The following ITGBL1 variants were observed in gnomAD, a reference collection of about 807,000 sequenced individuals.
ITGBL1 encodes integrin subunit beta like 1, also known as integrin beta-like protein 1.
ITGBL1 carries 51 observed loss-of-function variants against 68.5 expected under a neutral mutation model. The observed-to-expected ratio is 0.74, with a 90% confidence interval of 0.59 to 0.94. ITGBL1 has a LOEUF of 0.94. Among genes scored for constraint, ITGBL1 ranks in the 40% least tolerant of loss-of-function variants. ITGBL1 has a pLI of 0.00. For missense variants in ITGBL1, 649 were observed against 647.4 expected (o/e 1.00, Z -0.03); for synonymous variants, 209 against 227.3 (o/e 0.92, Z 0.72).
chr13:101,697,868 A>G (rs939111402), intron 8 of ITGBL1, among the ~76,000 whole-genome samples: 11 of 152,210 alleles, frequency 7.2e-5, no homozygotes, highest in Non-Finnish European at 1.5e-5. Context: ...AAAATAATAC[A>G]TCTGTCTCAG....
At chr13:101,587,337 ATG>A (rs1055298387) in intron 6 of ITGBL1, among the ~76,000 whole-genome samples, 3 of 152,206 alleles carry the variant, frequency 2.0e-5, no homozygotes, top group African/African-American at 7.2e-5. Flanking sequence ...TCCACAAAAT[ATG>A]TGTGTTTGTG....
chr13:101,715,456 A>T, intron 10 of ITGBL1, 107 bp from the exon 11 acceptor site: 2 of 807,646 alleles, frequency 2.5e-6, no homozygotes, highest in East Asian at 2.5e-5. Context: ...AAATCTACCA[A>T]GGATGAATGA....
At chr13:101,564,512 C>A in intron 2 of ITGBL1, among the ~76,000 whole-genome samples, 1 of 150,672 alleles carries the variant, frequency 6.6e-6, no homozygotes, top group East Asian at 1.9e-4. Flanking sequence ...GTATATACAA[C>A]AATTTATATA....
chr13:101,675,830 T>A (rs1487446350), intron 7 of ITGBL1, among the ~76,000 whole-genome samples: 1 of 152,160 alleles, frequency 6.6e-6, no homozygotes, highest in African/African-American at 2.4e-5. Flanking sequence ...GTCCAATGTA[T>A]CTCTTATGCT....
chr13:101,684,515 G>T (rs2033711338), intron 7 of ITGBL1, among the ~76,000 whole-genome samples: 1 of 151,834 alleles, frequency 6.6e-6, no homozygotes, highest in South Asian at 2.1e-4. Context: ...GCTTTCATTT[G>T]TCTATGCTGC....
At chr13:101,541,706 G>A (rs1039694132) in intron 2 of ITGBL1, among the ~76,000 whole-genome samples, 1 of 152,156 alleles carries the variant, frequency 6.6e-6, no homozygotes, top group East Asian at 1.9e-4. Context: ...TGGTTGGTAA[G>A]CTGTTAATTA....
chr13:101,572,291 G>A (rs1023642034), intron 3 of ITGBL1, among the ~76,000 whole-genome samples: 9 of 152,060 alleles, frequency 5.9e-5, no homozygotes, highest in African/African-American at 2.2e-4. Context: ...GGGAAGAGGA[G>A]TTAAATGGAT....
rs374497870 is a variant in ITGBL1, at chr13:101,491,008, CTT to C, written c.316+36909_316+36910del. ...CACACATTGTGTGTGTAATGTCTGT[CTT>C]GGTTTTTGGTGGACCACTTAAAAGT... On this transcript the variant is annotated intron_variant, in intron 2 of 10. Coordinates refer to ENST00000376180, the MANE Select transcript of ITGBL1 (RefSeq NM_004791.3). Among the ~76,000 whole-genome samples, 355 of 152,258 alleles carry C rather than the reference CTT, an allele frequency of 2.3e-3. 1 individual carries two copies. The highest frequency in any genetic ancestry group is 7.8e-3 in the African/African-American group (322 of 41,528).
chr13:101,604,845 A>AATAT (rs1555361671), intron 7 of ITGBL1, among the ~76,000 whole-genome samples: 2 of 29,358 alleles, frequency 6.8e-5, no homozygotes, highest in African/African-American at 2.2e-4. Flanking sequence ...AGGTGAAGGC[A>AATAT]ATATATATAT....
chr13:101,585,597 A>AT (rs1196957907), intron 6 of ITGBL1, among the ~76,000 whole-genome samples: 3 of 151,604 alleles, frequency 2.0e-5, no homozygotes, highest in East Asian at 3.9e-4. Context: ...CGCCCGGCTT[A>AT]TTTTTTTGTA....
chr13:101,561,288 C>A (rs2050096204), intron 2 of ITGBL1, among the ~76,000 whole-genome samples: 1 of 152,050 alleles, frequency 6.6e-6, no homozygotes, highest in Non-Finnish European at 1.5e-5. Context: ...AAAACAGATC[C>A]AGGAAGTGGG....
intron 7 of ITGBL1, among the ~76,000 whole-genome samples, chr13:101,645,505 A>T (rs2032529210): frequency 6.6e-6 from 1 of 152,052 alleles, no homozygotes; most frequent in Non-Finnish European, 1.5e-5. Flanking sequence ...TGAAAAAAAA[A>T]ATTTGTCTCT....
At position 101,545,458 on chromosome 13, in the gene ITGBL1, A is replaced by G. The variant is rs564132997; in HGVS notation, c.317-22241A>G. Among the ~76,000 whole-genome samples the G allele has an allele frequency of 6.6e-5, 10 of 152,294 alleles. No homozygotes were observed. The East Asian group carries it at 1.9e-3, about 29-fold the overall frequency. ...AAAAAGGGAAATCCAACATAAACAA[A>G]ATTGGTGCACTTGCTGAAGAGAACA... On this transcript the variant is annotated intron_variant, in intron 2 of 10. Transcript: ENST00000376180.
chr13:101,662,199 T>A (rs1056653267), intron 7 of ITGBL1, among the ~76,000 whole-genome samples: 1 of 152,228 alleles, frequency 6.6e-6, no homozygotes, highest in Non-Finnish European at 1.5e-5. Context: ...AAAGCAAAAG[T>A]CATTTCATGG....
intron 7 of ITGBL1, among the ~76,000 whole-genome samples, chr13:101,670,044 G>T (rs1428176631): frequency 6.6e-6 from 1 of 152,094 alleles, no homozygotes; most frequent in Non-Finnish European, 1.5e-5. Flanking sequence ...GTGGTCTGAT[G>T]CTGGAAAATG....
chr13:101,519,389 A>C (rs116266660), intron 2 of ITGBL1, among the ~76,000 whole-genome samples: 2 of 152,180 alleles, frequency 1.3e-5, no homozygotes, highest in African/African-American at 4.8e-5. Context: ...TAAAATCTTA[A>C]TTAGGTTAAA....
intron 7 of ITGBL1, among the ~76,000 whole-genome samples, chr13:101,678,130 T>C (rs2033549966): frequency 6.6e-6 from 1 of 152,252 alleles, no homozygotes; most frequent in Non-Finnish European, 1.5e-5. Context: ...TTGCATAAAC[T>C]ATTTGAGGAT....
intron 2 of ITGBL1, 25 bp downstream of exon 2, chr13:101,454,125 C>T (rs1352083912): frequency 6.7e-7 from 1 of 1,484,142 alleles, no homozygotes; most frequent in South Asian, 1.3e-5. Flanking sequence ...CTGTCTCCTC[C>T]CTCGGGAGGT....
intron 1 of ITGBL1, 41 bp from the exon 2 acceptor site, chr13:101,453,842 C>T (rs2297699): frequency 0.64 from 777,488 of 1,211,124 alleles, 255,299 homozygotes; most frequent in Non-Finnish European, 0.68. Context: ...GGGCGGCGTC[C>T]GCGTCTGACC....
Sources: gnomAD v4.1 joint callset for allele counts (sites outside exome capture counted in the v4.1 genomes callset) on GRCh38, gnomAD v4.1.1 for gene constraint, MANE v1.5 for transcripts, NCBI Gene and HGNC (gene_info 2026-07-23, HGNC 2026-07-21) for gene names.